The following CUX2 variants were observed in gnomAD, a reference collection of about 807,000 sequenced individuals.
CUX2 encodes the protein homeobox protein cut-like 2.
CUX2 carries 40 observed loss-of-function variants against 144.8 expected under a neutral mutation model. The ratio of observed to expected loss-of-function variants is 0.28; its 90% CI spans 0.21 to 0.36. The LOEUF (loss-of-function observed/expected upper bound fraction) is 0.36. Among genes scored for constraint, CUX2 ranks in the 10% least tolerant of loss-of-function variants. The probability of loss-of-function intolerance (pLI) is 1.00; values close to 1 mark genes in which losing one functional copy is unlikely to be tolerated. For synonymous variants in CUX2, 827 were observed against 875.6 expected, an observed-to-expected ratio of 0.94 and a Z score of 0.98; for missense variants, 1,615 against 1,994.0, an observed-to-expected ratio of 0.81 and a Z score of 3.62.
intron 1 of CUX2, among the ~76,000 whole-genome samples, chr12:111,211,662 G>A (rs1881235391): frequency 6.6e-6 from 1 of 152,094 alleles, no homozygotes; most frequent in Non-Finnish European, 1.5e-5. Context: ...GAGGTGGGTG[G>A]ATCATGAGGT....
intron 14 of CUX2, among the ~76,000 whole-genome samples, chr12:111,309,053 C>T (rs1410033983): frequency 6.6e-6 from 1 of 152,118 alleles, no homozygotes; most frequent in African/African-American, 2.4e-5. Flanking sequence ...TACAGGCATG[C>T]ACCACCACAC....
chr12:111,260,806 C>A (rs1459155635), intron 3 of CUX2, among the ~76,000 whole-genome samples: 1 of 152,212 alleles, frequency 6.6e-6, no homozygotes, highest in South Asian at 2.1e-4. Context: ...CTTGTCCCCA[C>A]CCTTGCTCAG....
intron 1 of CUX2, among the ~76,000 whole-genome samples, chr12:111,181,805 T>C (rs184102672): frequency 1.3e-5 from 2 of 152,376 alleles, no homozygotes; most frequent in Admixed American, 1.3e-4. Flanking sequence ...ATGTCTACTG[T>C]TGATTGCAAT....
chr12:111,324,862 G>A (rs922390283), intron 18 of CUX2, among the ~76,000 whole-genome samples: 7 of 152,236 alleles, frequency 4.6e-5, no homozygotes, highest in East Asian at 1.9e-4. Context: ...TGTCAGCATC[G>A]ATTACGGTGA....
chr12:111,097,111 C>T (rs1872864332), intron 1 of CUX2, among the ~76,000 whole-genome samples: 1 of 152,230 alleles, frequency 6.6e-6, no homozygotes, highest in Non-Finnish European at 1.5e-5. Flanking sequence ...GAGCCCAGCA[C>T]CCCCGAAAGT....
rs370477130 is a variant in CUX2 at position 111,044,823 on chromosome 12, C to T, written c.63+10583C>T. On this transcript the variant is annotated intron_variant, in intron 1 of 21. Coordinates refer to ENST00000261726, the MANE Select transcript of CUX2 (RefSeq NM_015267.4). Reference sequence around the variant, plus strand: ...GGGGACCCTTGGCTGCTACACCCCTCACTGGCTCTTGAAAGTTGCTGGGAA... The same window carrying T: ...GGGGACCCTTGGCTGCTACACCCCTTACTGGCTCTTGAAAGTTGCTGGGAA... Among the ~76,000 whole-genome samples, 53 of 152,314 alleles carry T rather than the reference C, an allele frequency of 3.5e-4. No individual in the cohort carries two copies. The East Asian group carries it at 9.6e-3, about 28-fold the overall frequency.
intron 16 of CUX2, among the ~76,000 whole-genome samples, chr12:111,316,104 T>TTTTAATCGAGGTAAA (rs1357967027): frequency 6.6e-6 from 1 of 152,078 alleles, no homozygotes; most frequent in Non-Finnish European, 1.5e-5. Context: ...TATGAGTTTT[T>TTTTAATCGAGGTAAA]TTTAATCGAG....
chr12:111,245,821 TA>T (rs1223203818), intron 3 of CUX2, among the ~76,000 whole-genome samples: 2 of 151,780 alleles, frequency 1.3e-5, no homozygotes, highest in African/African-American at 4.8e-5. Flanking sequence ...AACAGAAAAG[TA>T]GGACCAGGGT....
At chr12:111,094,546 T>C (rs948782262) in intron 1 of CUX2, among the ~76,000 whole-genome samples, 3 of 152,198 alleles carry the variant, frequency 2.0e-5, no homozygotes, top group Non-Finnish European at 2.9e-5. Context: ...TTGCCCAGGC[T>C]AAGAGCAGTG....
intron 1 of CUX2, among the ~76,000 whole-genome samples, chr12:111,170,545 CTTTTTTTTT>C (rs34282526): frequency 1.9e-4 from 15 of 79,940 alleles, no homozygotes; most frequent in Non-Finnish European, 3.4e-4. Context: ...CCCAGCTCTT[CTTTTTTTTT>C]TTTTTTTTTT....
chr12:111,078,153 T>TGTGTGTGGG (rs1472925128), intron 1 of CUX2, among the ~76,000 whole-genome samples: 3 of 152,164 alleles, frequency 2.0e-5, no homozygotes, highest in Non-Finnish European at 4.4e-5. Context: ...GTTTATTCAT[T>TGTGTGTGGG]CAACAACCAG....
At chr12:111,053,788 C>T (rs941711059) in intron 1 of CUX2, among the ~76,000 whole-genome samples, 5 of 152,328 alleles carry the variant, frequency 3.3e-5, no homozygotes, top group Non-Finnish European at 7.3e-5. Flanking sequence ...CATTACCATA[C>T]ATTAAAGCTA....
chr12:111,121,370 T>TTTTTTTTTTTTTTTTTTTTTTTTTTTC (rs1874665221), intron 1 of CUX2, among the ~76,000 whole-genome samples: 2 of 4,608 alleles, frequency 4.3e-4, no homozygotes, highest in Non-Finnish European at 8.9e-4. Flanking sequence ...TTCTTTTTTC[T>TTTTTTTTTTTTTTTTTTTTTTTTTTTC]TTTTTTTTTT....
At chr12:111,132,153 C>T (rs1372945452) in intron 1 of CUX2, among the ~76,000 whole-genome samples, 1 of 152,248 alleles carries the variant, frequency 6.6e-6, no homozygotes, top group East Asian at 1.9e-4. Context: ...CTTGACTTCT[C>T]TGTGCCTGCA....
intron 3 of CUX2, among the ~76,000 whole-genome samples, chr12:111,226,782 C>T (rs1235770936): frequency 6.6e-6 from 1 of 152,188 alleles, no homozygotes; most frequent in Non-Finnish European, 1.5e-5. Context: ...CTGGGCCGGG[C>T]TGGGAAGAGT....
chr12:111,175,391 A>G (rs928189849), intron 1 of CUX2, among the ~76,000 whole-genome samples: 4 of 138,198 alleles, frequency 2.9e-5, no homozygotes, highest in Non-Finnish European at 6.1e-5. Flanking sequence ...CATAGTCATT[A>G]GGGAACCTTC....
intron 1 of CUX2, among the ~76,000 whole-genome samples, chr12:111,040,795 C>G (rs1464019197): frequency 2.0e-5 from 3 of 152,194 alleles, no homozygotes. Flanking sequence ...TAAGCCTCCA[C>G]TCTGCCATTA....
At chr12:111,065,246 TAAAC>T (rs1260346065) in intron 1 of CUX2, among the ~76,000 whole-genome samples, 5 of 152,264 alleles carry the variant, frequency 3.3e-5, no homozygotes. Flanking sequence ...AAAGCAGTGA[TAAAC>T]AAGAAATAAA....
rs143947644 is a variant in CUX2 at position 111,249,866 on chromosome 12, C to G, written c.223-13895C>G. 4.2e-4 allele frequency among the ~76,000 whole-genome samples: 64 copies of G among 152,250 alleles called. No individual in the cohort carries two copies. In the East Asian group the frequency reaches 9.9e-3, roughly 23 times the overall value. On this transcript the variant is annotated intron_variant, in intron 3 of 21. Transcript: ENST00000261726. ...TTCCCCCACCCCAATTCCCCGATGA[C>G]TAACATCTCACATTAGCGTGTGGTG...
Sources: allele counts gnomAD v4.1 joint callset (sites outside exome capture counted in the v4.1 genomes callset), GRCh38; gene constraint gnomAD v4.1.1; transcripts MANE v1.5; gene names NCBI Gene and HGNC (gene_info 2026-07-23, HGNC 2026-07-21).